TAFA4: variants seen among roughly 807,000 people sequenced by gnomAD.
TAFA4 encodes chemokine-like protein TAFA-4.
In TAFA4, 20 loss-of-function variants were observed where a neutral mutation model predicts 21.1. The observed-to-expected ratio is 0.95, with a 90% CI of 0.67 to 1.38. The LOEUF is 1.38. Among genes scored for constraint, TAFA4 ranks in the 40% most tolerant of loss-of-function variants. TAFA4 has a pLI of 0.00. For missense variants in TAFA4, 211 were observed against 180.9 expected (o/e 1.17, Z -0.95); for synonymous variants, 71 against 67.4 (o/e 1.05, Z -0.26).
chr3:68,752,439 T>C (rs1012201527), intron 4 of TAFA4, among the ~76,000 whole-genome samples: 1 of 152,218 alleles, frequency 6.6e-6, no homozygotes, highest in Non-Finnish European at 1.5e-5. Flanking sequence ...GTCCTATAAA[T>C]GTCTGTTAAA....
At chr3:68,926,905 C>T (rs542859235) in intron 1 of TAFA4, among the ~76,000 whole-genome samples, 1 of 151,812 alleles carries the variant, frequency 6.6e-6, no homozygotes, top group African/African-American at 2.4e-5. Flanking sequence ...AGCAAGAATC[C>T]GTCTCAAAAA....
chr3:68,851,288 A>G (rs1206756654), intron 3 of TAFA4, among the ~76,000 whole-genome samples: 2 of 152,146 alleles, frequency 1.3e-5, no homozygotes, highest in African/African-American at 2.4e-5. Context: ...GAGCTAAACA[A>G]TGAAATTACA....
intron 3 of TAFA4, among the ~76,000 whole-genome samples, chr3:68,755,879 G>A (rs538109659): frequency 1.1e-4 from 17 of 152,314 alleles, no homozygotes; most frequent in African/African-American, 4.1e-4. Context: ...TACATGATTA[G>A]GTGATAAGAC....
chr3:68,740,903 A>G (rs145007460), intron 4 of TAFA4, among the ~76,000 whole-genome samples: 4 of 152,180 alleles, frequency 2.6e-5, no homozygotes, highest in Non-Finnish European at 4.4e-5. Context: ...TGAAGAGACT[A>G]TCCTTTCCCC....
intron 3 of TAFA4, among the ~76,000 whole-genome samples, chr3:68,786,407 A>C (rs936503467): frequency 6.6e-6 from 1 of 152,210 alleles, no homozygotes; most frequent in Admixed American, 6.5e-5. Flanking sequence ...TTGAGGCTGC[A>C]GTGTGCTACA....
rs919134771 is a variant in TAFA4 at position 68,932,523 on chromosome 3, C to G, written c.-406G>C. 5 of 152,126 alleles carry G rather than the reference C, an allele frequency of 3.3e-5. No homozygotes were observed. Among genetic ancestry groups the G allele is most frequent in the African/African-American group, 9.7e-5 (4 of 41,394 alleles). The allele number at this position is 152,126 out of a possible 1,614,324, so 9.4% of individuals were successfully genotyped here. On this transcript the variant is annotated 5_prime_UTR_variant, in exon 1 of 6. Coordinates refer to ENST00000295569, the MANE Select transcript of TAFA4 (RefSeq NM_182522.5). ...GCGCGCGCAGTCGGTGCGCCCCGTC[C>G]AGGGCGGCGCGCAGCTAGCAGTGCG...
chr3:68,785,368 G>C (rs943895690), intron 3 of TAFA4, among the ~76,000 whole-genome samples: 1 of 152,226 alleles, frequency 6.6e-6, no homozygotes, highest in African/African-American at 2.4e-5. Flanking sequence ...AGGGGGCTGC[G>C]CTCTCGTCGG....
chr3:68,746,166 C>A (rs1310233051), intron 4 of TAFA4, among the ~76,000 whole-genome samples: 1 of 152,090 alleles, frequency 6.6e-6, no homozygotes, highest in Non-Finnish European at 1.5e-5. Flanking sequence ...GCTCTCAGGC[C>A]TTCAGCCATG....
intron 3 of TAFA4, among the ~76,000 whole-genome samples, chr3:68,755,129 CCA>C (rs1275549964): frequency 6.6e-6 from 1 of 152,152 alleles, no homozygotes; most frequent in Non-Finnish European, 1.5e-5. Flanking sequence ...CAATCTAGCA[CCA>C]CAGTTTCTTG....
intron 3 of TAFA4, among the ~76,000 whole-genome samples, chr3:68,847,696 G>T (rs1239336739): frequency 1.3e-5 from 2 of 152,186 alleles, no homozygotes; most frequent in African/African-American, 4.8e-5. Flanking sequence ...CACAGTATCT[G>T]GGCCAGAGTG....
At chr3:68,846,079 A>C (rs1362751149) in intron 3 of TAFA4, among the ~76,000 whole-genome samples, 1 of 152,026 alleles carries the variant, frequency 6.6e-6, no homozygotes, top group Non-Finnish European at 1.5e-5. Flanking sequence ...AGGTTGGGGA[A>C]GTTCTCCTGG....
At chr3:68,862,855 T>A (rs1364144521) in intron 3 of TAFA4, among the ~76,000 whole-genome samples, 1 of 148,468 alleles carries the variant, frequency 6.7e-6, no homozygotes, top group African/African-American at 2.5e-5. Flanking sequence ...AAAAGAATTT[T>A]CACACACACA....
intron 1 of TAFA4, among the ~76,000 whole-genome samples, chr3:68,913,367 G>GGA (rs1553654042): frequency 2.0e-5 from 3 of 152,104 alleles, no homozygotes; most frequent in Non-Finnish European, 4.4e-5. Flanking sequence ...TTTTCTAAAG[G>GGA]CCACCCAGTT....
intron 3 of TAFA4, among the ~76,000 whole-genome samples, chr3:68,861,568 T>A (rs527768088): frequency 6.6e-6 from 1 of 152,020 alleles, no homozygotes; most frequent in East Asian, 1.9e-4. Context: ...CCACAAAAGA[T>A]GCATGGACCC....
chr3:68,810,598 A>G (rs536894374), intron 3 of TAFA4, among the ~76,000 whole-genome samples: 50 of 152,246 alleles, frequency 3.3e-4, no homozygotes, highest in African/African-American at 1.2e-3. Context: ...CTGAGATCAA[A>G]CTGCAAGGTG....
chr3:68,872,161 A>G (rs982003049), intron 3 of TAFA4, among the ~76,000 whole-genome samples: 4 of 152,124 alleles, frequency 2.6e-5, no homozygotes, highest in African/African-American at 9.7e-5. Context: ...AGTGTCCATC[A>G]CTGGATGAAT....
intron 3 of TAFA4, among the ~76,000 whole-genome samples, chr3:68,813,500 C>G (rs1307844784): frequency 6.6e-6 from 1 of 152,188 alleles, no homozygotes; most frequent in African/African-American, 2.4e-5. Context: ...ACCGATCCCA[C>G]AGAAATACAA....
chr3:68,854,188 G>T (rs1705015771), intron 3 of TAFA4, among the ~76,000 whole-genome samples: 1 of 151,994 alleles, frequency 6.6e-6, no homozygotes, highest in Non-Finnish European at 1.5e-5. Context: ...TGCAATGGAG[G>T]AATGACCATG....
intron 1 of TAFA4, among the ~76,000 whole-genome samples, chr3:68,911,327 G>T (rs1362383566): frequency 1.3e-5 from 2 of 152,214 alleles, no homozygotes; most frequent in Non-Finnish European, 2.9e-5. Context: ...GAAAGGTGCT[G>T]TCCAATTAGA....
Sources: allele counts gnomAD v4.1 joint callset (sites outside exome capture counted in the v4.1 genomes callset), GRCh38; gene constraint gnomAD v4.1.1; transcripts MANE v1.5; gene names NCBI Gene and HGNC (gene_info 2026-07-23, HGNC 2026-07-21).